TMPRSS15: variants seen among roughly 807,000 people sequenced by gnomAD.
TMPRSS15 encodes transmembrane serine protease 15.
A neutral mutation model predicts 125.3 loss-of-function variants in TMPRSS15; 128 were observed. That is an observed-to-expected ratio of 1.02 (90% CI 0.89 to 1.18). The LOEUF is 1.18. Among genes scored for constraint, TMPRSS15 ranks in the 50% most tolerant of loss-of-function variants. The pLI, the probability that TMPRSS15 is intolerant of heterozygous loss-of-function variation, is 0.00. For missense variants in TMPRSS15, 1,283 were observed against 1,212.7 expected, an observed-to-expected ratio of 1.06 and a Z score of -0.86; for synonymous variants, 446 against 423.2, an observed-to-expected ratio of 1.05 and a Z score of -0.66.
intron 1 of TMPRSS15, among the ~76,000 whole-genome samples, chr21:18,436,978 A>C (rs1224889172): frequency 7.2e-6 from 1 of 139,492 alleles, no homozygotes; most frequent in East Asian, 2.1e-4. Flanking sequence ...AAACTACTTT[A>C]AAGTTCATAT....
intron 3 of TMPRSS15, among the ~76,000 whole-genome samples, chr21:18,394,305 T>C (rs1264863059): frequency 6.6e-6 from 1 of 152,176 alleles, no homozygotes; most frequent in African/African-American, 2.4e-5. Context: ...CTGAAGATTA[T>C]TTTGGGAAGA....
intron 5 of TMPRSS15, among the ~76,000 whole-genome samples, chr21:18,375,358 T>G (rs2123022725): frequency 6.6e-6 from 1 of 152,290 alleles, no homozygotes; most frequent in East Asian, 1.9e-4. Flanking sequence ...ATTTAAATGG[T>G]TTTGCACTCT....
intron 15 of TMPRSS15, among the ~76,000 whole-genome samples, chr21:18,328,007 C>T (rs914904692): frequency 1.3e-5 from 2 of 152,032 alleles, no homozygotes; most frequent in Admixed American, 1.3e-4. Context: ...GAGCTGAGAT[C>T]GCACCACTGC....
chr21:18,410,766 G>T (rs2123168424), intron 1 of TMPRSS15, among the ~76,000 whole-genome samples: 1 of 152,206 alleles, frequency 6.6e-6, no homozygotes, highest in South Asian at 2.1e-4. Context: ...TCTGGAGAAG[G>T]AGGTTTTAAG....
chr21:18,354,017 C>T (rs1030848114), intron 8 of TMPRSS15, among the ~76,000 whole-genome samples, 154 bp from the exon 9 acceptor site: 1 of 151,790 alleles, frequency 6.6e-6, no homozygotes, highest in Admixed American at 6.6e-5. Flanking sequence ...ATTAGTCTTA[C>T]ATTTGTTTTA....
At chr21:18,346,656 G>C (rs961410203) in intron 10 of TMPRSS15, among the ~76,000 whole-genome samples, 3 of 152,114 alleles carry the variant, frequency 2.0e-5, no homozygotes, top group African/African-American at 7.2e-5. Flanking sequence ...CAACATGTCT[G>C]TTGCGCTATC....
intron 13 of TMPRSS15, among the ~76,000 whole-genome samples, chr21:18,338,942 T>C (rs2075420661): frequency 6.6e-6 from 1 of 152,168 alleles, no homozygotes; most frequent in African/African-American, 2.4e-5. Flanking sequence ...GCATCCATTT[T>C]ATGAGTATCA....
chr21:18,346,742 C>T (rs2075513150), intron 10 of TMPRSS15, among the ~76,000 whole-genome samples: 1 of 152,210 alleles, frequency 6.6e-6, no homozygotes. Flanking sequence ...TCACTATTTC[C>T]AAGTGCATCT....
At chr21:18,368,667 T>C (rs1003034003) in intron 6 of TMPRSS15, among the ~76,000 whole-genome samples, 1 of 152,328 alleles carries the variant, frequency 6.6e-6, no homozygotes, top group South Asian at 2.1e-4. Context: ...TCCTAAAGAA[T>C]ATGATCAATT....
intron 24 of TMPRSS15, among the ~76,000 whole-genome samples, chr21:18,272,462 A>G (rs1012386232): frequency 1.3e-5 from 2 of 152,114 alleles, no homozygotes; most frequent in Non-Finnish European, 2.9e-5. Flanking sequence ...GGTGGCTCAC[A>G]CCTGTGATCA....
intron 24 of TMPRSS15, 100 bp from the exon 25 acceptor site, chr21:18,270,224 TA>T (rs571048994): frequency 1.7e-5 from 18 of 1,065,508 alleles, no homozygotes; most frequent in African/African-American, 1.3e-4. Context: ...AAAAATTAAT[TA>T]AAAAATATGA....
At chr21:18,452,565 C>T (rs893483685) in intron 1 of TMPRSS15, among the ~76,000 whole-genome samples, 1 of 152,106 alleles carries the variant, frequency 6.6e-6, no homozygotes, top group South Asian at 2.1e-4. Flanking sequence ...ACTTGAGAGG[C>T]TGAGGTGGGA....
In TMPRSS15 at chr21:18,297,609, T is replaced by C. The variant is rs2074920976; in HGVS notation, c.2261+125A>G. The C allele has an allele frequency of 1.8e-5, 13 of 712,400 alleles. 1 individual carries two copies. The highest frequency in any genetic ancestry group is 1.6e-4 in the South Asian group (10 of 61,908). 44.1% of individuals were successfully genotyped at this position (712,400 alleles called of 1,614,324 possible). On this transcript the variant is annotated intron_variant, in intron 19 of 24. Transcript: ENST00000284885. Reference sequence around the variant, plus strand: ...GTTTGAGATTACTTAAATAATAATATAAGTCAAATAACTTTCAAGATTATA... The same window carrying C: ...GTTTGAGATTACTTAAATAATAATACAAGTCAAATAACTTTCAAGATTATA...
chr21:18,410,144 T>C (rs969059758), intron 1 of TMPRSS15, among the ~76,000 whole-genome samples: 2 of 149,826 alleles, frequency 1.3e-5, no homozygotes, highest in African/African-American at 4.9e-5. Context: ...ATTTAAGTGG[T>C]TAGAGAAAGG....
chr21:18,388,093 G>T (rs1256501561), intron 3 of TMPRSS15, among the ~76,000 whole-genome samples: 1 of 152,082 alleles, frequency 6.6e-6, no homozygotes. Context: ...TCCCAAAAGA[G>T]CAACAATGTG....
intron 18 of TMPRSS15, among the ~76,000 whole-genome samples, chr21:18,301,136 CT>C (rs2074967769): frequency 2.0e-5 from 3 of 152,142 alleles, no homozygotes; most frequent in East Asian, 3.9e-4. Flanking sequence ...CATTTTTGTA[CT>C]AAATATTGTT....
intron 13 of TMPRSS15, among the ~76,000 whole-genome samples, chr21:18,340,596 ATTTAGGACAAAAATAT>A (rs1219615413): frequency 6.6e-6 from 1 of 152,152 alleles, no homozygotes; most frequent in Non-Finnish European, 1.5e-5. Context: ...TACCGCCACT[ATTTAGGACAAAAATAT>A]TTTAGGTGAT....
At chr21:18,272,790 A>C (rs2074575008) in intron 24 of TMPRSS15, among the ~76,000 whole-genome samples, 1 of 152,192 alleles carries the variant, frequency 6.6e-6, no homozygotes, top group Admixed American at 6.5e-5. Flanking sequence ...AATATGCATG[A>C]ATTTACAGAA....
intron 18 of TMPRSS15, among the ~76,000 whole-genome samples, chr21:18,307,750 A>T (rs79517433): frequency 1.3e-4 from 20 of 152,270 alleles, no homozygotes; most frequent in African/African-American, 4.3e-4. Context: ...AAATGTAGGG[A>T]TCCACATTTT....
Sources: allele counts gnomAD v4.1 joint callset (sites outside exome capture counted in the v4.1 genomes callset), GRCh38; gene constraint gnomAD v4.1.1; transcripts MANE v1.5; gene names NCBI Gene and HGNC (gene_info 2026-07-23, HGNC 2026-07-21).